MGAT5: variants seen among roughly 807,000 people sequenced by gnomAD.
The protein encoded by MGAT5 is alpha-1,6-mannosylglycoprotein 6-beta-N-acetylglucosaminyltransferase A.
MGAT5 carries 30 observed loss-of-function variants against 94.3 expected under a neutral mutation model. The observed-to-expected ratio is 0.32, with a 90% CI of 0.24 to 0.43. MGAT5 has a LOEUF of 0.43. MGAT5 is among the 20% of genes least tolerant of loss of function. The probability of loss-of-function intolerance (pLI) is 1.00; values close to 1 mark genes in which losing one functional copy is unlikely to be tolerated. For synonymous variants in MGAT5, 310 were observed against 322.9 expected (o/e 0.96, Z 0.43); for missense variants, 691 against 905.5 (o/e 0.76, Z 3.04).
At chr2:134,364,216 G>A (rs138290794) in intron 10 of MGAT5, among the ~76,000 whole-genome samples, 114 of 152,228 alleles carry the variant, frequency 7.5e-4, no homozygotes, top group Non-Finnish European at 1.4e-3. Flanking sequence ...TAGGAATTCC[G>A]AGGCCAGGTG....
chr2:134,289,480 G>C (rs923622857), intron 2 of MGAT5, among the ~76,000 whole-genome samples: 1 of 152,188 alleles, frequency 6.6e-6, no homozygotes, highest in Admixed American at 6.5e-5. Flanking sequence ...TGTAGATGTT[G>C]AGGGACTTTG....
chr2:134,241,549 ATTAAG>A (rs1226584209), intron 1 of MGAT5, among the ~76,000 whole-genome samples: 4 of 152,246 alleles, frequency 2.6e-5, no homozygotes, highest in Admixed American at 6.5e-5. Flanking sequence ...TACCGACATA[ATTAAG>A]TTAAATGCTG....
intron 10 of MGAT5, among the ~76,000 whole-genome samples, chr2:134,398,648 A>C (rs1574013855): frequency 6.6e-6 from 1 of 152,196 alleles, no homozygotes; most frequent in Non-Finnish European, 1.5e-5. Context: ...TTGCAGCACT[A>C]TTTACAATAG....
intron 15 of MGAT5, among the ~76,000 whole-genome samples, chr2:134,442,450 G>A (rs1285385130): frequency 1.3e-5 from 2 of 152,072 alleles, no homozygotes; most frequent in Non-Finnish European, 2.9e-5. Flanking sequence ...CTTCTCCTGC[G>A]GCCTGTTCCC....
At chr2:134,207,812 G>A (rs143189488) in intron 1 of MGAT5, among the ~76,000 whole-genome samples, 150 of 152,264 alleles carry the variant, frequency 9.9e-4, no homozygotes, top group African/African-American at 3.5e-3. Context: ...AACCTCAGGA[G>A]GTCTTTGCCC....
chr2:134,373,156 G>C (rs1680927368), intron 10 of MGAT5, among the ~76,000 whole-genome samples: 1 of 152,210 alleles, frequency 6.6e-6, no homozygotes, highest in Non-Finnish European at 1.5e-5. Flanking sequence ...GTTGCTATCT[G>C]AGAGCAAAGA....
chr2:134,319,804 G>T, intron 4 of MGAT5: 1 of 395,302 alleles, frequency 2.5e-6, no homozygotes, highest in Non-Finnish European at 5.1e-6. Context: ...GTGCATTCTG[G>T]GTCCGTACAT....
At position 134,441,932 on chromosome 2, in the gene MGAT5, G is replaced by A. The variant is rs763359570; in HGVS notation, c.2027+17G>A. On this transcript the variant is annotated intron_variant, in intron 15 of 15. Transcript: ENST00000281923. ...CATGCTGAAGTAAGTGCCCTGGGGT[G>A]GGGGTGGGGACTCAGCCCCTAGACT... 8.1e-6 allele frequency: 13 copies of A among 1,608,658 alleles called. No individual in the cohort carries two copies. The highest frequency in any genetic ancestry group is 1.3e-5 in the African/African-American group (1 of 74,960).
Position 134,441,983 on chromosome 2 carries a change from G to A in MGAT5, c.2027+68G>A, listed in dbSNP as rs540273476. 6 of 1,559,414 alleles carry A rather than the reference G, an allele frequency of 3.8e-6. No homozygotes were observed. In the Admixed American group the frequency reaches 1.0e-4, roughly 27 times the overall value. On this transcript the variant is annotated intron_variant, in intron 15 of 15. Coordinates refer to ENST00000281923, the MANE Select transcript of MGAT5 (RefSeq NM_002410.5). ...CCAGCTGGCCTTGTTGGGTAGTCAG[G>A]TGAGAGGTACAGGTTTCCTCTTCCA... is the stretch of plus-strand genomic sequence containing the variant.
At chr2:134,387,320 ATATATATATATATTTTTTTTT>A (rs1259891481) in intron 10 of MGAT5, among the ~76,000 whole-genome samples, 2 of 50,068 alleles carry the variant, frequency 4.0e-5, no homozygotes, top group African/African-American at 1.7e-4. Context: ...ATATATATAT[ATATATATATATATTTTTTTTT>A]TTTTTTTTTT....
intron 1 of MGAT5, among the ~76,000 whole-genome samples, chr2:134,200,586 G>A (rs1158480111): frequency 6.6e-6 from 1 of 152,158 alleles, no homozygotes; most frequent in Non-Finnish European, 1.5e-5. Flanking sequence ...ATTAGCATTA[G>A]CCTTTCTCCA....
chr2:134,263,375 C>T (rs1683462650), intron 1 of MGAT5, among the ~76,000 whole-genome samples: 1 of 152,188 alleles, frequency 6.6e-6, no homozygotes, highest in African/African-American at 2.4e-5. Context: ...ATAGTAATGA[C>T]ACCCTCTGCA....
intron 2 of MGAT5, among the ~76,000 whole-genome samples, chr2:134,316,461 G>T (rs997862813): frequency 6.6e-6 from 1 of 152,090 alleles, no homozygotes; most frequent in African/African-American, 2.4e-5. Flanking sequence ...AGTGGGTTGG[G>T]TATCTTGCCT....
chr2:134,264,126 G>A (rs1432852447), intron 1 of MGAT5, among the ~76,000 whole-genome samples: 2 of 148,614 alleles, frequency 1.3e-5, no homozygotes. Flanking sequence ...AGGTTCAAGC[G>A]ATTCTCCTGC....
At position 134,254,090 on chromosome 2, in the gene MGAT5, G is replaced by A. The variant is rs767040745; in HGVS notation, c.-314G>A. Among the ~76,000 whole-genome samples the A allele has an allele frequency of 6.6e-6, 1 of 152,172 alleles. No homozygotes were observed. The highest frequency in any genetic ancestry group is 1.5e-5 in the Non-Finnish European group (1 of 68,034). On this transcript the variant is annotated 5_prime_UTR_variant, in exon 1 of 16. Coordinates refer to ENST00000281923, the MANE Select transcript of MGAT5 (RefSeq NM_002410.5). ...CCCCTTCATAATTGCTTAGCTTCTT[G>A]TTGCCTAGCCAGATTTCCCCTCAGC...
At chr2:134,414,456 G>A (rs553490241) in intron 12 of MGAT5, among the ~76,000 whole-genome samples, 96 of 152,232 alleles carry the variant, frequency 6.3e-4, no homozygotes, top group African/African-American at 2.1e-3. Context: ...TTGGCGGGGG[G>A]AAAGAAACTA....
intron 2 of MGAT5, among the ~76,000 whole-genome samples, chr2:134,314,702 A>G (rs1686895755): frequency 2.6e-5 from 4 of 152,140 alleles, no homozygotes; most frequent in Admixed American, 1.3e-4. Context: ...AGAAAGAGGA[A>G]GGGGCTTTAA....
chr2:134,397,663 G>A (rs1418785123), intron 10 of MGAT5, among the ~76,000 whole-genome samples: 1 of 152,198 alleles, frequency 6.6e-6, no homozygotes, highest in African/African-American at 2.4e-5. Context: ...CCATCTGGCA[G>A]CAGAGGGCAG....
chr2:134,313,543 C>T (rs933720840), intron 2 of MGAT5, among the ~76,000 whole-genome samples: 10 of 152,134 alleles, frequency 6.6e-5, no homozygotes, highest in East Asian at 1.9e-4. Context: ...CGGATTAAAC[C>T]GAATCCTAAA....
Sources: gnomAD v4.1 joint callset for allele counts (sites outside exome capture counted in the v4.1 genomes callset) on GRCh38, gnomAD v4.1.1 for gene constraint, MANE v1.5 for transcripts, NCBI Gene and HGNC (gene_info 2026-07-23, HGNC 2026-07-21) for gene names.